Variants in EVC2 observed in about 807,000 individuals in gnomAD.
EVC2 encodes limbin.
In EVC2, 148 loss-of-function variants were observed where a neutral mutation model predicts 149.3. The ratio of observed to expected loss-of-function variants is 0.99; its 90% confidence interval spans 0.87 to 1.14. The LOEUF (loss-of-function observed/expected upper bound fraction) is 1.14, where lower values mean the gene tolerates loss of function less well. Ranked by LOEUF, EVC2 falls within the 50% of genes most tolerant of loss-of-function variation. The pLI is 0.00. For missense variants in EVC2, 1,854 were observed against 1,627.3 expected (o/e 1.14, Z -2.40); for synonymous variants, 776 against 649.9 (o/e 1.19, Z -2.95).
chr4:5,654,949 T>C (rs1371802479), intron 9 of EVC2, among the ~76,000 whole-genome samples: 1 of 152,152 alleles, frequency 6.6e-6, no homozygotes, highest in East Asian at 1.9e-4. Context: ...AGACAGTGGG[T>C]ATTGAGAGGC....
At chr4:5,589,466 G>T (rs1712593080) in intron 16 of EVC2, among the ~76,000 whole-genome samples, 1 of 152,192 alleles carries the variant, frequency 6.6e-6, no homozygotes, top group African/African-American at 2.4e-5. Flanking sequence ...CACCTCTGGA[G>T]TTTTCTCTGT....
chr4:5,615,414 G>A lies in EVC2; in HGVS notation c.2829+8C>T. On this transcript the variant is annotated splice_region_variant and intron_variant, in intron 16 of 21. Coordinates refer to ENST00000344408, the MANE Select transcript of EVC2 (RefSeq NM_147127.5). ...AGAGAAACAGCTGGGTGAAGCAGAT[G>A]TACTGACCTTTTCCACCAGGTCTTC... is the stretch of plus-strand genomic sequence containing the variant. 4 of 1,614,202 alleles carry A rather than the reference G, an allele frequency of 2.5e-6. No homozygotes were observed. Among genetic ancestry groups the A allele is most frequent in the Non-Finnish European group, 3.4e-6 (4 of 1,180,018 alleles).
chr4:5,704,191 C>A (rs923120278), intron 1 of EVC2, among the ~76,000 whole-genome samples: 1 of 152,080 alleles, frequency 6.6e-6, no homozygotes, highest in African/African-American at 2.4e-5. Flanking sequence ...GTCAGTCAGG[C>A]GGCTCCACAA....
chr4:5,645,826 A>C (rs761024825), intron 9 of EVC2, among the ~76,000 whole-genome samples: 15 of 152,194 alleles, frequency 9.9e-5, no homozygotes, highest in Non-Finnish European at 1.9e-4. Context: ...TAGGTCTTTG[A>C]GAAGTTGCCA....
chr4:5,606,904 A>T (rs989661976), intron 16 of EVC2, among the ~76,000 whole-genome samples: 12 of 152,194 alleles, frequency 7.9e-5, no homozygotes, highest in Admixed American at 2.0e-4. Flanking sequence ...AAGGTTAAAT[A>T]ACTTGCTCAA....
chr4:5,663,896 G>A (rs1196711890), intron 8 of EVC2, among the ~76,000 whole-genome samples: 1 of 152,068 alleles, frequency 6.6e-6, no homozygotes, highest in Admixed American at 6.6e-5. Context: ...ACTCCATCCT[G>A]GGAGACAGAG....
the EVC2 span, among the ~76,000 whole-genome samples, chr4:5,531,546 G>C: frequency 6.6e-6 from 1 of 152,154 alleles, no homozygotes; most frequent in Non-Finnish European, 1.5e-5. Flanking sequence ...TCGCATTACT[G>C]TGTGAGCTCT....
In EVC2 at chr4:5,640,770, T is replaced by A. The variant is rs375543647; in HGVS notation, c.1214A>T (p.Asp405Val). 1.9e-6 allele frequency: 3 copies of A among 1,614,198 alleles called. No individual in the cohort carries two copies. The Admixed American group carries it at 5.0e-5, about 27-fold the overall frequency. Reference protein sequence around the residue: ...LEACRTQISKDIIALLLKNLT... With the variant: ...LEACRTQISKVIIALLLKNLT... ...ATTTTTCAGCAGAAGGGCAATGATA[T>A]CCTTGCTGATTTGTGTTCGACAAGC... is the stretch of plus-strand genomic sequence containing the variant. Residue 405 changes from aspartate to valine, a missense_variant, in exon 10 of 22, where the codon GAT becomes GTT. Physicochemically the swap from Asp to Val is radical, Grantham distance 152. Coordinates refer to ENST00000344408, the MANE Select transcript of EVC2 (RefSeq NM_147127.5). This position sits in a 1 kb window ranked among gnomAD's most constrained non-coding sequence, Gnocchi z 4.6.
intron 7 of EVC2, among the ~76,000 whole-genome samples, chr4:5,676,988 C>T (rs1351874354): frequency 2.6e-5 from 4 of 152,114 alleles, no homozygotes; most frequent in Non-Finnish European, 5.9e-5. Context: ...CTGTGTAGCC[C>T]CCGTGGGCAT....
intron 14 of EVC2, among the ~76,000 whole-genome samples, chr4:5,620,642 G>A (rs1308405939): frequency 6.6e-6 from 1 of 152,182 alleles, no homozygotes; most frequent in African/African-American, 2.4e-5. Flanking sequence ...TATATGAGCA[G>A]ACTCACATTG....
intron 14 of EVC2, among the ~76,000 whole-genome samples, chr4:5,621,456 A>C (rs894939115): frequency 6.6e-6 from 1 of 152,232 alleles, no homozygotes; most frequent in African/African-American, 2.4e-5. Context: ...GCACAAACTT[A>C]AGTGGTGGTC....
At chr4:5,552,830 A>G (rs1008131627) in intron 21 of EVC2, among the ~76,000 whole-genome samples, 27 of 152,216 alleles carry the variant, frequency 1.8e-4, no homozygotes, top group Non-Finnish European at 3.4e-4. Context: ...GACAAAGAAC[A>G]CTAGATAGCA....
intron 16 of EVC2, among the ~76,000 whole-genome samples, chr4:5,587,006 T>C (rs949101511): frequency 2.0e-5 from 3 of 152,150 alleles, no homozygotes; most frequent in Non-Finnish European, 4.4e-5. Context: ...CATTTCTTGC[T>C]TCCTGGTCTT....
chr4:5,544,841 T>C (rs1391323038), intron 21 of EVC2, among the ~76,000 whole-genome samples: 1 of 152,116 alleles, frequency 6.6e-6, no homozygotes, highest in African/African-American at 2.4e-5. Flanking sequence ...CCCAAGGACA[T>C]ACAGATCCAG....
chr4:5,541,786 T>C (rs1369557258), downstream of EVC2, among the ~76,000 whole-genome samples: 1 of 152,142 alleles, frequency 6.6e-6, no homozygotes, highest in Non-Finnish European at 1.5e-5. Context: ...ACCCGTTCAT[T>C]CAACCAACAT....
At chr4:5,691,483 G>A in intron 3 of EVC2, 150 bp from the exon 4 acceptor site, 3 of 670,486 alleles carry the variant, frequency 4.5e-6, no homozygotes, top group African/African-American at 3.6e-5. Flanking sequence ...TTTTTTAAAA[G>A]AGCATTAAAG....
At position 5,687,290 on chromosome 4, in the gene EVC2, C is replaced by G. The variant is rs1720788276; in HGVS notation, c.707-1811G>C. 3.3e-5 allele frequency among the ~76,000 whole-genome samples: 5 copies of G among 152,002 alleles called. No homozygotes were observed. In the South Asian group the frequency reaches 1.0e-3, roughly 32 times the overall value. ...AAGAAAAGAAAAGAAAAGAAAAAAC[C>G]ACCAACAAAATACCTCCTATTACCA... is the stretch of plus-strand genomic sequence containing the variant. On this transcript the variant is annotated intron_variant, in intron 5 of 21. Transcript: ENST00000344408.
chr4:5,535,601 A>AAGAGAGAGAGAG, the EVC2 span, among the ~76,000 whole-genome samples: 1,263 of 118,148 alleles, frequency 0.011, 28 homozygotes, highest in East Asian at 0.11. The surrounding 1 kb of genome is among the most constrained non-coding windows in gnomAD (Gnocchi z 4.7). Context: ...CATGCTTAGA[A>AAGAGAGAGAGAG]AGAGAGAGAG....
At chr4:5,530,677 T>C in the EVC2 span, among the ~76,000 whole-genome samples, 1 of 152,146 alleles carries the variant, frequency 6.6e-6, no homozygotes, top group African/African-American at 2.4e-5. Context: ...CTCTGACAAA[T>C]CTCTAGGATT....
Sources: allele counts gnomAD v4.1 joint callset (sites outside exome capture counted in the v4.1 genomes callset), GRCh38; gene constraint gnomAD v4.1.1; non-coding constraint Gnocchi (gnomAD v3.1); transcripts MANE v1.5; gene names NCBI Gene and HGNC (gene_info 2026-07-23, HGNC 2026-07-21).